RHBDD1: variants seen among roughly 807,000 people sequenced by gnomAD.
The protein encoded by RHBDD1 is rhomboid-related protein 4.
A neutral mutation model predicts 36.3 loss-of-function variants in RHBDD1; 38 were observed. That is an observed-to-expected ratio of 1.05 (90% confidence interval 0.81 to 1.37). RHBDD1 has a LOEUF of 1.37. Among genes scored for constraint, RHBDD1 ranks in the 40% most tolerant of loss-of-function variants. RHBDD1 has a pLI of 0.00. For missense variants in RHBDD1, 393 were observed against 377.6 expected (o/e 1.04, Z -0.34); for synonymous variants, 151 against 136.5 (o/e 1.11, Z -0.74).
chr2:226,995,115 T>C (rs548052143), intron 8 of RHBDD1, among the ~76,000 whole-genome samples: 1 of 151,248 alleles, frequency 6.6e-6, no homozygotes, highest in East Asian at 1.9e-4. Flanking sequence ...AAAAAGACAA[T>C]AAGCCCTTGA....
At chr2:226,931,300 T>A (rs1323176626) in intron 8 of RHBDD1, among the ~76,000 whole-genome samples, 3 of 152,020 alleles carry the variant, frequency 2.0e-5, no homozygotes, top group African/African-American at 7.2e-5. Flanking sequence ...GGAATGCTAC[T>A]CAGCCATAAA....
the RHBDD1 span, among the ~76,000 whole-genome samples, chr2:226,822,550 G>A: frequency 1.2e-4 from 18 of 150,246 alleles, no homozygotes; most frequent in Middle Eastern, 3.4e-3. Flanking sequence ...CAAGAGAATC[G>A]CTTGAACTGG....
chr2:226,811,678 T>C, the RHBDD1 span, among the ~76,000 whole-genome samples: 1 of 152,248 alleles, frequency 6.6e-6, no homozygotes, highest in South Asian at 2.1e-4. Context: ...TTCTGGCTCC[T>C]TGAAATTTGA....
At chr2:226,974,827 T>C (rs1954272058) in intron 8 of RHBDD1, among the ~76,000 whole-genome samples, 1 of 152,176 alleles carries the variant, frequency 6.6e-6, no homozygotes, top group Admixed American at 6.5e-5. Context: ...TGTCATCGTA[T>C]AATTGGAGAT....
chr2:226,866,512 G>T (rs916723658), intron 4 of RHBDD1, among the ~76,000 whole-genome samples: 1 of 152,208 alleles, frequency 6.6e-6, no homozygotes, highest in East Asian at 1.9e-4. Context: ...GCTCGGAAGC[G>T]ATGGAGCTGG....
intron 5 of RHBDD1, among the ~76,000 whole-genome samples, chr2:226,878,734 A>T (rs1048674414): frequency 6.6e-6 from 1 of 152,186 alleles, no homozygotes; most frequent in African/African-American, 2.4e-5. Context: ...TGAATTCCTG[A>T]CCCACAGAAT....
chr2:226,938,650 A>G (rs1229952325), intron 8 of RHBDD1, among the ~76,000 whole-genome samples: 1 of 152,102 alleles, frequency 6.6e-6, no homozygotes, highest in Non-Finnish European at 1.5e-5. Context: ...AACCACAAAA[A>G]GCCCAGGACC....
intron 8 of RHBDD1, among the ~76,000 whole-genome samples, chr2:226,945,455 C>T (rs895566056): frequency 2.0e-5 from 3 of 152,008 alleles, no homozygotes; most frequent in East Asian, 1.9e-4. Context: ...TGATGGTTTC[C>T]AGCTTCATCC....
At chr2:226,995,354 G>A in intron 8 of RHBDD1, 77 bp from the exon 9 acceptor site, 1 of 866,474 alleles carries the variant, frequency 1.2e-6, no homozygotes, top group Non-Finnish European at 1.9e-6. Flanking sequence ...CTATCACTTT[G>A]TTCCCTTGGA....
chr2:226,803,576 C>T, the RHBDD1 span, among the ~76,000 whole-genome samples: 1 of 152,048 alleles, frequency 6.6e-6, no homozygotes, highest in East Asian at 1.9e-4. Context: ...AAACTTACAT[C>T]GAAAATGGCA....
chr2:226,965,729 A>G lies in RHBDD1; in HGVS notation c.857-29702A>G, dbSNP rs78305215. Reference sequence around the variant, plus strand: ...ACATTGAGAGAATTAGTAGAGCTCCATGTGCCATCATCCTGGAGCCCTGTT... The same window carrying G: ...ACATTGAGAGAATTAGTAGAGCTCCGTGTGCCATCATCCTGGAGCCCTGTT... On this transcript the variant is annotated intron_variant, in intron 8 of 8. Coordinates refer to ENST00000392062, the MANE Select transcript of RHBDD1 (RefSeq NM_001167608.3). 6.3e-3 allele frequency among the ~76,000 whole-genome samples: 963 copies of G among 152,262 alleles called. 17 individuals carry two copies. Among genetic ancestry groups the G allele is most frequent in the African/African-American group, 0.022 (924 of 41,540 alleles).
chr2:226,991,434 C>T (rs1575567931), intron 8 of RHBDD1, among the ~76,000 whole-genome samples: 1 of 152,236 alleles, frequency 6.6e-6, no homozygotes, highest in Admixed American at 6.5e-5. Flanking sequence ...CCCGCCTCAG[C>T]CTCCCAAAGT....
upstream of RHBDD1, among the ~76,000 whole-genome samples, chr2:226,831,412 TAAG>T (rs745549666): frequency 2.6e-5 from 4 of 152,170 alleles, no homozygotes; most frequent in Non-Finnish European, 5.9e-5. Flanking sequence ...TGTAATTCAT[TAAG>T]ATGAGGTCAC....
chr2:226,957,185 C>T (rs1003678902), intron 8 of RHBDD1, among the ~76,000 whole-genome samples: 1 of 152,194 alleles, frequency 6.6e-6, no homozygotes, highest in Non-Finnish European at 1.5e-5. Context: ...GATGTGAAGG[C>T]ACATAAAGTA....
At chr2:226,914,171 A>G in intron 7 of RHBDD1, 37 bp from the exon 8 acceptor site, 1 of 1,606,400 alleles carries the variant, frequency 6.2e-7, no homozygotes, top group East Asian at 2.2e-5. Context: ...ACAACAGTCC[A>G]TAGCTGTGTT....
intron 3 of RHBDD1, among the ~76,000 whole-genome samples, chr2:226,844,345 A>C (rs886921387): frequency 1.3e-5 from 2 of 148,586 alleles, no homozygotes; most frequent in Admixed American, 1.4e-4. Context: ...CCTGTTACTG[A>C]AAGAATGAAG....
At chr2:226,930,197 C>T (rs1032171397) in intron 8 of RHBDD1, among the ~76,000 whole-genome samples, 1 of 151,864 alleles carries the variant, frequency 6.6e-6, no homozygotes, top group African/African-American at 2.4e-5. Flanking sequence ...AGCCTGAATG[C>T]CAAAGCAGTC....
At chr2:226,963,591 C>G (rs1313139120) in intron 8 of RHBDD1, among the ~76,000 whole-genome samples, 1 of 152,080 alleles carries the variant, frequency 6.6e-6, no homozygotes, top group East Asian at 1.9e-4. Context: ...TCTTGCTCTT[C>G]TCCCTCCACT....
chr2:226,938,410 T>C (rs1950477324), intron 8 of RHBDD1, among the ~76,000 whole-genome samples: 1 of 152,072 alleles, frequency 6.6e-6, no homozygotes, highest in Admixed American at 6.6e-5. Context: ...TAGTTTCTTT[T>C]GCTGTGCAGA....
Sources: gnomAD v4.1 joint callset for allele counts (sites outside exome capture counted in the v4.1 genomes callset) on GRCh38, gnomAD v4.1.1 for gene constraint, MANE v1.5 for transcripts, NCBI Gene and HGNC (gene_info 2026-07-23, HGNC 2026-07-21) for gene names.